Variants in NDUFS4 observed in about 807,000 individuals in gnomAD.
NDUFS4 encodes the protein NADH dehydrogenase [ubiquinone] iron-sulfur protein 4, mitochondrial.
In NDUFS4, 28 loss-of-function variants were observed where a neutral mutation model predicts 24.3. That is an observed-to-expected ratio of 1.15 (90% CI 0.85 to 1.58). The LOEUF (loss-of-function observed/expected upper bound fraction) is 1.58, where lower values mean the gene tolerates loss of function less well. Among genes scored for constraint, NDUFS4 ranks in the 40% most tolerant of loss-of-function variants. NDUFS4 has a pLI of 0.00. For missense variants in NDUFS4, 223 were observed against 207.9 expected (o/e 1.07, Z -0.45); for synonymous variants, 93 against 69.7 (o/e 1.34, Z -1.67).
rs1038700066 is a variant in NDUFS4, at chr5:53,603,331, C to T, written c.99-121C>T. ...TTTTGTGCCCTCTTCTCTTTCTTTCCTTTCCTTTTTTTTTTTTTTTAATAA... is the reference window on the plus strand; with the variant it reads ...TTTTGTGCCCTCTTCTCTTTCTTTCTTTTCCTTTTTTTTTTTTTTTAATAA... On this transcript the variant is annotated intron_variant, in intron 1 of 4. Transcript: ENST00000296684. 1.6e-5 allele frequency: 11 copies of T among 701,156 alleles called. No homozygotes were observed. In the Admixed American group the frequency reaches 3.0e-4, roughly 19 times the overall value. 43.4% of individuals were successfully genotyped at this position (701,156 alleles called of 1,614,324 possible).
At chr5:53,615,340 G>A (rs1750809557) in intron 2 of NDUFS4, among the ~76,000 whole-genome samples, 1 of 151,924 alleles carries the variant, frequency 6.6e-6, no homozygotes, top group Non-Finnish European at 1.5e-5. Flanking sequence ...GTATCTTTTG[G>A]TGACAATTAT....
chr5:53,577,773 T>C (rs546838844), intron 1 of NDUFS4, among the ~76,000 whole-genome samples: 76 of 152,296 alleles, frequency 5.0e-4, no homozygotes, highest in African/African-American at 1.1e-3. Flanking sequence ...TGGGAAGAGA[T>C]AGTTTCTTCT....
At chr5:53,568,409 T>C (rs1749108558) in intron 1 of NDUFS4, among the ~76,000 whole-genome samples, 1 of 152,182 alleles carries the variant, frequency 6.6e-6, no homozygotes, top group Admixed American at 6.5e-5. Context: ...ATATTATATC[T>C]TGTAAGACTT....
intron 3 of NDUFS4, among the ~76,000 whole-genome samples, chr5:53,647,789 T>C (rs914749780): frequency 6.6e-6 from 1 of 152,188 alleles, no homozygotes; most frequent in African/African-American, 2.4e-5. Context: ...TCTAGAAAAG[T>C]ATAATATTCA....
At chr5:53,625,302 A>G (rs1398161421) in intron 2 of NDUFS4, among the ~76,000 whole-genome samples, 2 of 151,928 alleles carry the variant, frequency 1.3e-5, no homozygotes, top group African/African-American at 4.8e-5. Context: ...TAATTATCTT[A>G]TCTTTAAACT....
At chr5:53,591,471 G>GGGT (rs1554054841) in intron 1 of NDUFS4, among the ~76,000 whole-genome samples, 1 of 128,222 alleles carries the variant, frequency 7.8e-6, no homozygotes, top group South Asian at 2.9e-4. Context: ...TGGGGGGGGG[G>GGGT]GGTGATAATA....
At chr5:53,591,698 G>A (rs954831553) in intron 1 of NDUFS4, among the ~76,000 whole-genome samples, 3 of 152,136 alleles carry the variant, frequency 2.0e-5, no homozygotes, top group Non-Finnish European at 2.9e-5. Context: ...TCCCACCAGC[G>A]ATGAATGAGA....
intron 2 of NDUFS4, among the ~76,000 whole-genome samples, chr5:53,605,970 C>T (rs1210457955): frequency 4.0e-5 from 6 of 148,242 alleles, no homozygotes; most frequent in African/African-American, 7.5e-5. Flanking sequence ...GCCAAGATTG[C>T]GCCACTGCAC....
intron 2 of NDUFS4, among the ~76,000 whole-genome samples, chr5:53,627,314 T>G (rs1191561164): frequency 6.6e-6 from 1 of 152,218 alleles, no homozygotes; most frequent in Non-Finnish European, 1.5e-5. Context: ...TCAGGTAGCA[T>G]GATACCTCTA....
chr5:53,623,863 C>T (rs1844697), intron 2 of NDUFS4, among the ~76,000 whole-genome samples: 4 of 151,926 alleles, frequency 2.6e-5, no homozygotes, highest in Non-Finnish European at 4.4e-5. Flanking sequence ...GGACTACAGG[C>T]GTGCACCACC....
chr5:53,656,692 G>A (rs549839990), intron 3 of NDUFS4, among the ~76,000 whole-genome samples: 82 of 152,302 alleles, frequency 5.4e-4, no homozygotes, highest in African/African-American at 1.6e-3. Context: ...AAATGCCAAG[G>A]TAGAAGACTG....
chr5:53,598,475 G>T lies in NDUFS4; in HGVS notation c.99-4977G>T, dbSNP rs113042486. Among the ~76,000 whole-genome samples, 126 of 152,246 alleles carry T rather than the reference G, an allele frequency of 8.3e-4. 1 individual carries two copies. Among genetic ancestry groups the T allele is most frequent in the African/African-American group, 3.0e-3 (123 of 41,548 alleles). The stretch of plus-strand genomic sequence containing the variant: ...TTAAAACAAAGTAGAACTATCGTCA[G>T]TTCCACTTACTAGAATCAAATAGAC... On this transcript the variant is annotated intron_variant, in intron 1 of 4. Coordinates refer to ENST00000296684, the MANE Select transcript of NDUFS4 (RefSeq NM_002495.4).
At chr5:53,607,745 T>G (rs1449618161) in intron 2 of NDUFS4, among the ~76,000 whole-genome samples, 1 of 152,172 alleles carries the variant, frequency 6.6e-6, no homozygotes, top group Non-Finnish European at 1.5e-5. Context: ...TAACTACATA[T>G]CTGTATGATA....
Position 53,615,081 on chromosome 5 carries a change from C to T in NDUFS4, c.177+11551C>T, listed in dbSNP as rs143669886. Reference sequence around the variant, plus strand: ...TTTATGGTAGGGTATGCAGATAGATCCCTGATGCTTTATTTTACACTCTAT... The same window carrying T: ...TTTATGGTAGGGTATGCAGATAGATTCCTGATGCTTTATTTTACACTCTAT... On this transcript the variant is annotated intron_variant, in intron 2 of 4. Coordinates refer to ENST00000296684, the MANE Select transcript of NDUFS4 (RefSeq NM_002495.4). Among the ~76,000 whole-genome samples, 96 of 151,726 alleles carry T rather than the reference C, an allele frequency of 6.3e-4. 1 individual carries two copies. Among genetic ancestry groups the T allele is most frequent in the African/African-American group, 2.1e-3 (86 of 41,436 alleles).
At chr5:53,576,502 T>G (rs1749391502) in intron 1 of NDUFS4, among the ~76,000 whole-genome samples, 1 of 152,174 alleles carries the variant, frequency 6.6e-6, no homozygotes, top group African/African-American at 2.4e-5. Context: ...TGATAGAAAT[T>G]TCTTCAGGTT....
At chr5:53,582,283 A>T (rs1049893791) in intron 1 of NDUFS4, among the ~76,000 whole-genome samples, 1 of 152,132 alleles carries the variant, frequency 6.6e-6, no homozygotes, top group Admixed American at 6.5e-5. Flanking sequence ...ATACACATTT[A>T]AGAAAGATGA....
chr5:53,657,868 T>G (rs934607339), intron 3 of NDUFS4, among the ~76,000 whole-genome samples: 1 of 149,608 alleles, frequency 6.7e-6, no homozygotes, highest in African/African-American at 2.5e-5. Context: ...GAGGTTGCAG[T>G]GAGCCCAGAT....
At chr5:53,682,794 T>G (rs1318731787) in intron 4 of NDUFS4, among the ~76,000 whole-genome samples, 1 of 152,132 alleles carries the variant, frequency 6.6e-6, no homozygotes, top group Non-Finnish European at 1.5e-5. Context: ...TTTAAAGGCC[T>G]ATGTTAAACC....
At chr5:53,603,857 TTG>T (rs1750411340) in intron 2 of NDUFS4, among the ~76,000 whole-genome samples, 1 of 152,122 alleles carries the variant, frequency 6.6e-6, no homozygotes, top group Non-Finnish European at 1.5e-5. Flanking sequence ...CCTATTTAAG[TTG>T]TGAGATACTT....
Sources: allele counts gnomAD v4.1 joint callset (sites outside exome capture counted in the v4.1 genomes callset), GRCh38; gene constraint gnomAD v4.1.1; transcripts MANE v1.5; gene names NCBI Gene and HGNC (gene_info 2026-07-23, HGNC 2026-07-21).